The following CEP128 variants were observed in gnomAD, a reference collection of about 807,000 sequenced individuals.
CEP128 encodes the protein centrosomal protein 128.
In CEP128, 132 loss-of-function variants were observed where a neutral mutation model predicts 156.7. That is an observed-to-expected ratio of 0.84 (90% confidence interval 0.73 to 0.97). The LOEUF (loss-of-function observed/expected upper bound fraction) is 0.97. Ranked by LOEUF, CEP128 falls within the 50% of genes least tolerant of loss-of-function variation. The pLI, the probability that CEP128 is intolerant of heterozygous loss-of-function variation, is 0.00. For missense variants in CEP128, 1,252 were observed against 1,281.9 expected (o/e 0.98, Z 0.36); for synonymous variants, 469 against 448.9 (o/e 1.04, Z -0.57).
At chr14:80,950,433 G>T (rs1594879848) in intron 2 of CEP128, among the ~76,000 whole-genome samples, 1 of 152,024 alleles carries the variant, frequency 6.6e-6, no homozygotes, top group African/African-American at 2.4e-5. Context: ...AAGAGACATG[G>T]AAAATATGAA....
chr14:80,856,297 T>C (rs573722859), intron 9 of CEP128, among the ~76,000 whole-genome samples: 13 of 152,220 alleles, frequency 8.5e-5, no homozygotes, highest in African/African-American at 2.2e-4. Flanking sequence ...TATGTAAGCA[T>C]AGAATATTGT....
At chr14:80,625,872 TTC>T (rs1893697197) in intron 19 of CEP128, among the ~76,000 whole-genome samples, 1 of 152,174 alleles carries the variant, frequency 6.6e-6, no homozygotes, top group African/African-American at 2.4e-5. Flanking sequence ...TCTCTCTTTC[TTC>T]TTTCTTTTTG....
intron 16 of CEP128, among the ~76,000 whole-genome samples, chr14:80,772,890 A>C (rs1299203884): frequency 6.6e-6 from 1 of 152,232 alleles, no homozygotes; most frequent in Non-Finnish European, 1.5e-5. Context: ...CTTGTTAAAC[A>C]AAAGGTAATA....
chr14:80,504,617 A>C (rs1027993073), intron 24 of CEP128, among the ~76,000 whole-genome samples: 10 of 152,198 alleles, frequency 6.6e-5, no homozygotes, highest in African/African-American at 2.4e-4. Context: ...TTCTTTACTC[A>C]TTCATCCATA....
chr14:80,498,642 G>A (rs1215228937), intron 24 of CEP128, among the ~76,000 whole-genome samples: 1 of 152,188 alleles, frequency 6.6e-6, no homozygotes, highest in Admixed American at 6.5e-5. Flanking sequence ...CCTCCTCAGG[G>A]AGGCAGATCC....
intron 20 of CEP128, among the ~76,000 whole-genome samples, chr14:80,560,841 C>A (rs1658984712): frequency 1.3e-5 from 2 of 152,148 alleles, no homozygotes; most frequent in South Asian, 4.2e-4. Flanking sequence ...TTGCAGACAG[C>A]CTATTGTGGG....
At chr14:80,690,131 G>T (rs1036865209) in intron 19 of CEP128, among the ~76,000 whole-genome samples, 3 of 151,978 alleles carry the variant, frequency 2.0e-5, no homozygotes, top group African/African-American at 7.3e-5. Flanking sequence ...TTTGGGCAGG[G>T]CGTGGTGGCT....
intron 21 of CEP128, among the ~76,000 whole-genome samples, chr14:80,534,527 C>T (rs535274654): frequency 1.8e-4 from 28 of 152,266 alleles, no homozygotes; most frequent in African/African-American, 6.7e-4. Flanking sequence ...GACAAGTCCC[C>T]ACTGTTAAGG....
intron 23 of CEP128, among the ~76,000 whole-genome samples, chr14:80,508,208 G>A (rs757168034): frequency 6.6e-6 from 1 of 152,172 alleles, no homozygotes; most frequent in Non-Finnish European, 1.5e-5. Context: ...GAGCCACCGC[G>A]CCTGGCCTAA....
At chr14:80,666,724 C>T (rs200795466) in intron 19 of CEP128, among the ~76,000 whole-genome samples, 1 of 103,470 alleles carries the variant, frequency 9.7e-6, no homozygotes, top group Non-Finnish European at 2.1e-5. Flanking sequence ...AAGAGAGAGA[C>T]AAAAAAAAAA....
At chr14:80,866,314 G>C (rs989151644) in intron 8 of CEP128, among the ~76,000 whole-genome samples, 1 of 152,076 alleles carries the variant, frequency 6.6e-6, no homozygotes, top group Non-Finnish European at 1.5e-5. Flanking sequence ...TAAGAACCCA[G>C]GCACTAGGGA....
At chr14:80,529,639 TAC>T (rs939745755) in intron 22 of CEP128, among the ~76,000 whole-genome samples, 1 of 152,164 alleles carries the variant, frequency 6.6e-6, no homozygotes, top group African/African-American at 2.4e-5. Context: ...ATAATTTAGT[TAC>T]AGAGAAAAAA....
chr14:80,488,925 A>G (rs1235556820), downstream of CEP128, among the ~76,000 whole-genome samples: 17 of 144,678 alleles, frequency 1.2e-4, no homozygotes, highest in Admixed American at 2.1e-4. Flanking sequence ...ATAGGTGGGA[A>G]TTGAACAATG....
intron 19 of CEP128, among the ~76,000 whole-genome samples, chr14:80,589,348 A>C (rs1170286870): frequency 6.6e-6 from 1 of 151,658 alleles, no homozygotes; most frequent in Non-Finnish European, 1.5e-5. Flanking sequence ...ACTTTCATTA[A>C]GTAATAAATT....
intron 19 of CEP128, among the ~76,000 whole-genome samples, chr14:80,638,754 C>T (rs750032027): frequency 6.6e-6 from 1 of 152,142 alleles, no homozygotes; most frequent in Non-Finnish European, 1.5e-5. Flanking sequence ...ATGCCTAAAT[C>T]TTTCTATTGC....
rs76032503 is a variant in CEP128 at position 80,937,774 on chromosome 14, A to G, written c.-16+1611T>C. Reference sequence around the variant, plus strand: ...TTACATGGATAGTGTATTCTATAATATACATGCTAATATAGTTTTTAATAA... The same window carrying G: ...TTACATGGATAGTGTATTCTATAATGTACATGCTAATATAGTTTTTAATAA... On this transcript the variant is annotated intron_variant, in intron 2 of 24. Coordinates refer to ENST00000555265, the MANE Select transcript of CEP128 (RefSeq NM_152446.5). Among the ~76,000 whole-genome samples, 637 of 152,310 alleles carry G rather than the reference A, an allele frequency of 4.2e-3. 5 individuals are homozygous for G. Among genetic ancestry groups the G allele is most frequent in the African/African-American group, 0.015 (612 of 41,568 alleles).
chr14:80,595,651 T>G (rs1892282524), intron 19 of CEP128, among the ~76,000 whole-genome samples: 1 of 152,186 alleles, frequency 6.6e-6, no homozygotes, highest in Non-Finnish European at 1.5e-5. Flanking sequence ...AAAATGTAAT[T>G]CTAAAGACTA....
chr14:80,758,801 A>G (rs1397447124), intron 17 of CEP128, among the ~76,000 whole-genome samples: 2 of 152,234 alleles, frequency 1.3e-5, no homozygotes, highest in African/African-American at 4.8e-5. Flanking sequence ...TTGACCCTAT[A>G]ATAGCACCTT....
At chr14:80,947,402 C>A (rs941075332) in intron 2 of CEP128, among the ~76,000 whole-genome samples, 2 of 152,078 alleles carry the variant, frequency 1.3e-5, no homozygotes, top group Non-Finnish European at 2.9e-5. Flanking sequence ...GCATTTTCTT[C>A]CTGGATTTTG....
Sources: gnomAD v4.1 joint callset for allele counts (sites outside exome capture counted in the v4.1 genomes callset) on GRCh38, gnomAD v4.1.1 for gene constraint, MANE v1.5 for transcripts, NCBI Gene and HGNC (gene_info 2026-07-23, HGNC 2026-07-21) for gene names.